RNF38: variants seen among roughly 807,000 people sequenced by gnomAD.
RNF38 encodes the protein E3 ubiquitin-protein ligase RNF38.
RNF38 carries 15 observed loss-of-function variants against 67.2 expected under a neutral mutation model. The ratio of observed to expected loss-of-function variants is 0.22; its 90% CI spans 0.15 to 0.34. RNF38 has a LOEUF of 0.34. Ranked by LOEUF, RNF38 falls within the 10% of genes least tolerant of loss-of-function variation. The pLI is 1.00. For synonymous variants in RNF38, 220 were observed against 218.8 expected, an observed-to-expected ratio of 1.01 and a Z score of -0.05; for missense variants, 524 against 639.9, an observed-to-expected ratio of 0.82 and a Z score of 1.95.
intron 1 of RNF38, among the ~76,000 whole-genome samples, chr9:36,433,490 A>T (rs1277903521): frequency 1.3e-5 from 2 of 152,076 alleles, no homozygotes; most frequent in Non-Finnish European, 2.9e-5. Flanking sequence ...CTATAATCCC[A>T]GCACTTTGGG....
At chr9:36,464,548 G>A (rs1839815937) in intron 1 of RNF38, among the ~76,000 whole-genome samples, 3 of 151,248 alleles carry the variant, frequency 2.0e-5, no homozygotes, top group Middle Eastern at 6.8e-3. Flanking sequence ...TCCAGCCTGG[G>A]TGACAGAGTG....
chr9:36,344,245 C>T (rs973484442), intron 10 of RNF38, among the ~76,000 whole-genome samples: 2 of 152,126 alleles, frequency 1.3e-5, no homozygotes, highest in Non-Finnish European at 2.9e-5. Context: ...AAGCTCCTGA[C>T]CATAGGTGAT....
In RNF38 at chr9:36,380,353, C is replaced by T. The variant is rs1836120238; in HGVS notation, c.163-4226G>A. On this transcript the variant is annotated intron_variant, in intron 2 of 11. Coordinates refer to ENST00000259605, the MANE Select transcript of RNF38 (RefSeq NM_022781.5). ...TAGCTGGGATTACAGGCATGCGCCA[C>T]CACACCCTGCTAATTTTGTATTTTT... Among the ~76,000 whole-genome samples, 3 of 152,022 alleles carry T rather than the reference C, an allele frequency of 2.0e-5. No homozygotes were observed. The South Asian group carries it at 6.2e-4, about 32-fold the overall frequency.
intron 5 of RNF38, 86 bp from the exon 6 acceptor site, chr9:36,356,559 G>A (rs1259604848): frequency 8.1e-6 from 9 of 1,105,934 alleles, no homozygotes; most frequent in Non-Finnish European, 1.1e-5. Context: ...ATCTGTCATT[G>A]TCACACCTCT....
At chr9:36,356,231 G>T in intron 6 of RNF38, 72 bp downstream of exon 6, 1 of 1,418,948 alleles carries the variant, frequency 7.0e-7, no homozygotes. Context: ...TATATACCTG[G>T]CCTAAACATT....
chr9:36,431,598 G>C (rs1301839684), intron 1 of RNF38, among the ~76,000 whole-genome samples: 1 of 152,108 alleles, frequency 6.6e-6, no homozygotes, highest in African/African-American at 2.4e-5. Context: ...AAGGGGAATG[G>C]GCAGAGCTTC....
At chr9:36,468,026 T>C (rs1839905219) in intron 1 of RNF38, among the ~76,000 whole-genome samples, 1 of 151,904 alleles carries the variant, frequency 6.6e-6, no homozygotes, top group Admixed American at 6.6e-5. Flanking sequence ...GAAGACTGAG[T>C]GAGCTCAGGA....
chr9:36,439,706 G>C lies in RNF38; in HGVS notation n.242-15023C>G, dbSNP rs529344816. Among the ~76,000 whole-genome samples the C allele has an allele frequency of 1.9e-4, 28 of 149,138 alleles. No individual in the cohort carries two copies. The East Asian group carries it at 5.6e-3, about 30-fold the overall frequency. On this transcript the variant is annotated intron_variant and non_coding_transcript_variant, in intron 1 of 3. Transcript: ENST00000488058. ...TTTAGTCCCAGCTACTAGAGAAATC[G>C]CTTGAACCTGGGAGGTGGAGGTTGT...
At chr9:36,456,958 G>GT (rs1431542451) in intron 1 of RNF38, among the ~76,000 whole-genome samples, 1 of 152,060 alleles carries the variant, frequency 6.6e-6, no homozygotes, top group Non-Finnish European at 1.5e-5. Context: ...AGGTCACTGG[G>GT]TTTTTTTGTA....
chr9:36,362,078 C>T (rs561511396), intron 4 of RNF38, among the ~76,000 whole-genome samples: 19 of 152,206 alleles, frequency 1.2e-4, no homozygotes, highest in African/African-American at 3.6e-4. Flanking sequence ...TGAATAGGGC[C>T]GGGCACAGTG....
chr9:36,456,337 G>GT (rs1186675490), intron 1 of RNF38, among the ~76,000 whole-genome samples: 2 of 152,174 alleles, frequency 1.3e-5, no homozygotes, highest in African/African-American at 2.4e-5. Context: ...GATTACAGGC[G>GT]TGAGCCACAG....
At chr9:36,409,895 A>T (rs951234059) in intron 2 of RNF38, among the ~76,000 whole-genome samples, 2 of 152,210 alleles carry the variant, frequency 1.3e-5, no homozygotes, top group African/African-American at 4.8e-5. Flanking sequence ...TAAATCTCTT[A>T]AGGCAGTACA....
chr9:36,400,221 C>T lies in RNF38; in HGVS notation c.-113G>A. The T allele has an allele frequency of 6.7e-7, 1 of 1,485,914 alleles. No individual in the cohort carries two copies. The highest frequency in any genetic ancestry group is 1.3e-5 in the South Asian group (1 of 75,270). The allele number at this position is 1,485,914 out of a possible 1,614,324, so 92.0% of individuals were successfully genotyped here. ...ACCCTGAAAGGAAGAACTTGCATCC[C>T]CTGAGAACAAAACGCAGCCTATCCA... On this transcript the variant is annotated 5_prime_UTR_variant, in exon 1 of 12. Coordinates refer to ENST00000259605, the MANE Select transcript of RNF38 (RefSeq NM_022781.5).
chr9:36,402,132 G>A (rs994004586), upstream of RNF38, among the ~76,000 whole-genome samples: 1 of 152,192 alleles, frequency 6.6e-6, no homozygotes, highest in African/African-American at 2.4e-5. Flanking sequence ...ACAAGAGAAG[G>A]TGTTTAGCAA....
At chr9:36,463,467 C>T (rs1442626223) in intron 1 of RNF38, among the ~76,000 whole-genome samples, 1 of 152,194 alleles carries the variant, frequency 6.6e-6, no homozygotes, top group East Asian at 1.9e-4. Flanking sequence ...AAACGTAGGC[C>T]TTGAAAAACT....
chr9:36,422,422 C>CA (rs1838654675), intron 2 of RNF38, among the ~76,000 whole-genome samples: 1 of 145,736 alleles, frequency 6.9e-6, no homozygotes, highest in Non-Finnish European at 1.5e-5. Flanking sequence ...GTCTACCCAC[C>CA]AAAAAACAAA....
chr9:36,348,058 AGAGT>A (rs958144103), intron 9 of RNF38, among the ~76,000 whole-genome samples: 32 of 152,294 alleles, frequency 2.1e-4, no homozygotes, highest in African/African-American at 7.5e-4. Context: ...CCTGGGCAAC[AGAGT>A]GAGATTCCGT....
At chr9:36,423,985 C>G (rs1289456532) in intron 2 of RNF38, among the ~76,000 whole-genome samples, 6 of 151,078 alleles carry the variant, frequency 4.0e-5, no homozygotes, top group Non-Finnish European at 1.5e-5. Context: ...AAAAGCCCCC[C>G]CTAGAGACCA....
intron 1 of RNF38, among the ~76,000 whole-genome samples, chr9:36,439,643 A>C (rs1325351841): frequency 1.3e-5 from 2 of 151,878 alleles, no homozygotes. Flanking sequence ...CGTCTCTACT[A>C]AAAACACAAA....
Sources: allele counts gnomAD v4.1 joint callset (sites outside exome capture counted in the v4.1 genomes callset), GRCh38; gene constraint gnomAD v4.1.1; transcripts MANE v1.5; gene names NCBI Gene and HGNC (gene_info 2026-07-23, HGNC 2026-07-21).